DAB1: variants seen among roughly 807,000 people sequenced by gnomAD.
DAB1 encodes disabled homolog 1.
DAB1 carries 15 observed loss-of-function variants against 64.6 expected under a neutral mutation model. The observed-to-expected ratio is 0.23, with a 90% CI of 0.16 to 0.36. The LOEUF is 0.36. DAB1 is among the 10% of genes least tolerant of loss of function. The pLI is 1.00. For synonymous variants in DAB1, 235 were observed against 251.9 expected, an observed-to-expected ratio of 0.93 and a Z score of 0.64; for missense variants, 596 against 706.7, an observed-to-expected ratio of 0.84 and a Z score of 1.78.
intron 4 of DAB1, among the ~76,000 whole-genome samples, chr1:58,261,892 G>A (rs1661056414): frequency 6.6e-6 from 1 of 152,056 alleles, no homozygotes; most frequent in African/African-American, 2.4e-5. Flanking sequence ...CCATTCCTCA[G>A]ATACCCCCAG....
At chr1:57,595,266 AT>A (rs1172795470) in intron 7 of DAB1, among the ~76,000 whole-genome samples, 1 of 151,300 alleles carries the variant, frequency 6.6e-6, no homozygotes, top group South Asian at 2.1e-4. Flanking sequence ...TAGATTCTAG[AT>A]TTTTTTTAGA....
intron 4 of DAB1, among the ~76,000 whole-genome samples, chr1:57,080,953 A>T (rs1463120786): frequency 1.3e-5 from 2 of 152,204 alleles, no homozygotes; most frequent in Non-Finnish European, 2.9e-5. Flanking sequence ...GCTAAGGTGC[A>T]CTAGGTTCTG....
At chr1:58,042,003 A>T (rs1647144263) in intron 5 of DAB1, among the ~76,000 whole-genome samples, 1 of 152,172 alleles carries the variant, frequency 6.6e-6, no homozygotes. Context: ...ATCCATCCTT[A>T]TCTACCAAGT....
chr1:58,358,953 A>AACACACACACACAC (rs57077530), intron 3 of DAB1, among the ~76,000 whole-genome samples: 7,961 of 123,858 alleles, frequency 0.064, 764 homozygotes, highest in African/African-American at 0.21. Context: ...CTCTCTCTGT[A>AACACACACACACAC]ACACACACAC....
intron 1 of DAB1, among the ~76,000 whole-genome samples, chr1:57,311,551 G>T (rs1487169446): frequency 7.0e-6 from 1 of 143,418 alleles, no homozygotes; most frequent in South Asian, 2.1e-4. Flanking sequence ...CCACTTCTTG[G>T]CTGGAACCTG....
At chr1:58,384,565 G>T (rs916461778) in intron 3 of DAB1, among the ~76,000 whole-genome samples, 4 of 152,182 alleles carry the variant, frequency 2.6e-5, no homozygotes, top group African/African-American at 9.7e-5. Context: ...ATATGAAGGG[G>T]AGTTTATTAA....
chr1:58,472,389 A>C (rs182264599), intron 3 of DAB1, among the ~76,000 whole-genome samples: 35 of 152,306 alleles, frequency 2.3e-4, no homozygotes, highest in African/African-American at 7.9e-4. Context: ...TTTGGTCCTG[A>C]TATAACTTTA....
intron 6 of DAB1, among the ~76,000 whole-genome samples, chr1:57,754,886 C>T (rs976693036): frequency 5.9e-5 from 9 of 152,088 alleles, no homozygotes; most frequent in African/African-American, 9.7e-5. Context: ...AGCTCCAAGA[C>T]GGCAGATTCC....
intron 1 of DAB1, among the ~76,000 whole-genome samples, chr1:57,845,665 C>T (rs2101921094): frequency 6.6e-6 from 1 of 152,304 alleles, no homozygotes; most frequent in East Asian, 1.9e-4. Context: ...GACCCTGCCA[C>T]AGTGTCCCAG....
intron 3 of DAB1, among the ~76,000 whole-genome samples, chr1:57,138,169 T>G (rs1658289208): frequency 6.6e-6 from 1 of 152,204 alleles, no homozygotes; most frequent in Non-Finnish European, 1.5e-5. Context: ...AAATTCCCTC[T>G]TTCACACATC....
intron 5 of DAB1, among the ~76,000 whole-genome samples, chr1:58,143,367 A>G (rs970246970): frequency 6.6e-6 from 1 of 152,242 alleles, no homozygotes; most frequent in Non-Finnish European, 1.5e-5. Context: ...CCACCAGTGC[A>G]TCTTAAACCA....
intron 4 of DAB1, among the ~76,000 whole-genome samples, chr1:57,116,212 C>T (rs942981913): frequency 2.6e-5 from 4 of 151,890 alleles, no homozygotes; most frequent in South Asian, 4.2e-4. Context: ...CCCTGTAATC[C>T]CAGCACTTTG....
At chr1:57,452,980 T>A (rs1686447654) in intron 7 of DAB1, among the ~76,000 whole-genome samples, 14 of 136,212 alleles carry the variant, frequency 1.0e-4, no homozygotes, top group East Asian at 8.7e-4. Flanking sequence ...AAAGGCAGAG[T>A]GAAAAGGAAG....
chr1:58,505,047 G>C (rs564923308), intron 3 of DAB1, among the ~76,000 whole-genome samples: 72 of 152,148 alleles, frequency 4.7e-4, no homozygotes, highest in African/African-American at 1.6e-3. Flanking sequence ...CTGCCTCCAG[G>C]GTTCAAGCGA....
chr1:58,051,356 T>C (rs1444984884), intron 5 of DAB1, among the ~76,000 whole-genome samples: 3 of 152,178 alleles, frequency 2.0e-5, no homozygotes, highest in Admixed American at 6.5e-5. Context: ...GCTTCATCCA[T>C]GTCCCTTCAA....
At chr1:58,099,459 A>G (rs1651181992) in intron 5 of DAB1, among the ~76,000 whole-genome samples, 1 of 152,252 alleles carries the variant, frequency 6.6e-6, no homozygotes, top group Non-Finnish European at 1.5e-5. Context: ...CACTGCTTTC[A>G]TGTACTTTAA....
At chr1:57,462,691 T>G (rs1686825084) in intron 7 of DAB1, among the ~76,000 whole-genome samples, 1 of 152,200 alleles carries the variant, frequency 6.6e-6, no homozygotes, top group African/African-American at 2.4e-5. Context: ...AACATGCACA[T>G]GGACACACAG....
At chr1:58,039,681 G>A (rs1213754622) in intron 5 of DAB1, among the ~76,000 whole-genome samples, 1 of 152,046 alleles carries the variant, frequency 6.6e-6, no homozygotes, top group African/African-American at 2.4e-5. Context: ...CTTGCACCTG[G>A]AGCCAGTAAG....
chr1:58,251,520 G>A (rs1380968642), intron 4 of DAB1, among the ~76,000 whole-genome samples: 1 of 152,156 alleles, frequency 6.6e-6, no homozygotes, highest in Non-Finnish European at 1.5e-5. Context: ...ACTAATCTGA[G>A]ATCTGTATGA....
Sources: allele counts gnomAD v4.1 joint callset (sites outside exome capture counted in the v4.1 genomes callset), GRCh38; gene constraint gnomAD v4.1.1; transcripts MANE v1.5; gene names NCBI Gene and HGNC (gene_info 2026-07-23, HGNC 2026-07-21).